Variants in PTS observed in about 807,000 individuals in gnomAD.
PTS encodes the protein 6-pyruvoyltetrahydropterin synthase, also known as 6-pyruvoyl tetrahydrobiopterin synthase.
Under a neutral mutation model 20.6 loss-of-function variants are expected in PTS, and 23 were observed. That is an observed-to-expected ratio of 1.12 (90% CI 0.80 to 1.58). The LOEUF is 1.58. Ranked by LOEUF, PTS falls within the 40% of genes most tolerant of loss-of-function variation. The pLI is 0.00. For missense variants in PTS, 186 were observed against 182.4 expected (o/e 1.02, Z -0.11); for synonymous variants, 65 against 62.5 (o/e 1.04, Z -0.19).
intron 4 of PTS, among the ~76,000 whole-genome samples, 154 bp downstream of exon 4, chr11:112,230,836 C>G (rs111330439): frequency 1.3e-5 from 2 of 152,114 alleles, no homozygotes; most frequent in African/African-American, 4.8e-5. Context: ...AAGAACTGCT[C>G]GCATGGCCTC....
rs104894277 is a variant in PTS at position 112,230,210 on chromosome 11, G to C, written c.166G>C (p.Val56Leu). 2.5e-6 allele frequency: 4 copies of C among 1,613,396 alleles called. No homozygotes were observed. Among genetic ancestry groups the C allele is most frequent in the Non-Finnish European group, 3.4e-6 (4 of 1,179,424 alleles). Reference protein sequence around the residue: ...PNGHGHNYKVVVTVHGEIDPA... With the variant: ...PNGHGHNYKVLVTVHGEIDPA... ...TGTATTTTGTTTTCTTTCCATAGTT[G>C]TGGTGACAGTACATGGAGAGGTATG... The change falls in exon 3 of 6, where the codon GTG (valine) becomes CTG (leucine). Residue 56 changes from valine to leucine, a missense_variant and splice_region_variant. Coordinates refer to ENST00000280362, the MANE Select transcript of PTS (RefSeq NM_000317.3).
intron 4 of PTS, among the ~76,000 whole-genome samples, chr11:112,232,294 A>C (rs1859949059): frequency 6.6e-6 from 1 of 152,228 alleles, no homozygotes; most frequent in Admixed American, 6.5e-5. Context: ...TTTAATGGAG[A>C]AATTGGGACT....
chr11:112,229,297 C>T (rs916405327), intron 2 of PTS: 1 of 153,752 alleles, frequency 6.5e-6, no homozygotes, highest in African/African-American at 2.4e-5. Flanking sequence ...TCAGTGTACT[C>T]ACTTACATGT....
chr11:112,233,099 G>C, intron 4 of PTS, 64 bp from the exon 5 acceptor site: 1 of 1,456,392 alleles, frequency 6.9e-7, no homozygotes, highest in South Asian at 1.1e-5. Context: ...AGGCATAAGT[G>C]GAACAATTTG....
intron 4 of PTS, among the ~76,000 whole-genome samples, chr11:112,232,046 C>T (rs1031012079): frequency 2.6e-5 from 4 of 152,188 alleles, no homozygotes; most frequent in Non-Finnish European, 5.9e-5. Context: ...GAGGGCTTCT[C>T]TATGCTGTTT....
At chr11:112,233,030 A>G in intron 4 of PTS, 133 bp from the exon 5 acceptor site, 2 of 908,754 alleles carry the variant, frequency 2.2e-6, no homozygotes, top group Middle Eastern at 2.2e-4. Context: ...GCCTTGTAAG[A>G]CTCAAATCTA....
intron 2 of PTS, among the ~76,000 whole-genome samples, chr11:112,229,885 G>C (rs1859907980): frequency 6.6e-6 from 1 of 152,156 alleles, no homozygotes; most frequent in South Asian, 2.1e-4. Context: ...ACTTCTACAG[G>C]CAGAGACTGA....
rs566233351 is a variant in PTS at position 112,228,641 on chromosome 11, A to G, written c.131A>G (p.Asn44Ser). Residue 44 changes from asparagine (N) to serine (S), a missense_variant, in exon 2 of 6, where the codon AAC becomes AGC. By Grantham distance (46) the Asn-to-Ser change is conservative. Coordinates refer to ENST00000280362, the MANE Select transcript of PTS (RefSeq NM_000317.3). The part of the protein sequence containing the change: ...EENLKLFGKC[N>S]NPNGHGHNYK... ...AACTTGAAACTGTTTGGGAAATGCA[A>G]CAATCCAAATGGCCATGGGCACAAT... 8 of 1,612,524 alleles carry G rather than the reference A, an allele frequency of 5.0e-6. No homozygotes were observed. The East Asian group carries it at 8.9e-5, about 18-fold the overall frequency.
intron 2 of PTS, chr11:112,229,458 C>T (rs1467740179): frequency 6.6e-6 from 1 of 150,574 alleles, no homozygotes; most frequent in Non-Finnish European, 1.5e-5. Flanking sequence ...ATGGTGTGAT[C>T]TCCCGTCACT....
chr11:112,228,140 G>A (rs1486935454), intron 1 of PTS: 1 of 173,276 alleles, frequency 5.8e-6, no homozygotes, highest in Non-Finnish European at 1.2e-5. Flanking sequence ...ACCAGGTCAT[G>A]TAATTTTTTT....
intron 2 of PTS, chr11:112,228,933 A>C: frequency 2.1e-6 from 1 of 479,682 alleles, no homozygotes. Flanking sequence ...CCTAGAGTAC[A>C]CAACAAGTTT....
At chr11:112,230,252 G>C in intron 3 of PTS, 22 bp downstream of exon 3, 2 of 1,611,836 alleles carry the variant, frequency 1.2e-6, no homozygotes, top group Non-Finnish European at 1.7e-6. Context: ...AAATATTTGT[G>C]TGGTTTTTGC....
At chr11:112,231,527 C>T (rs1244094448) in intron 4 of PTS, among the ~76,000 whole-genome samples, 1 of 152,124 alleles carries the variant, frequency 6.6e-6, no homozygotes, top group Non-Finnish European at 1.5e-5. Context: ...TGTCATTTCA[C>T]TTGCAGCTTA....
chr11:112,226,554 G>A, intron 1 of PTS, 28 bp downstream of exon 1: 1 of 1,510,956 alleles, frequency 6.6e-7, no homozygotes, highest in African/African-American at 1.4e-5. Flanking sequence ...GTACAGCGGC[G>A]GGCGGTGGGC....
rs377396089 is a variant in PTS, at chr11:112,230,693, G to A, written c.243+11G>A. 63 of 1,602,640 alleles carry A rather than the reference G, an allele frequency of 3.9e-5. 2 individuals are homozygous for A. The South Asian group carries it at 5.3e-4, about 13-fold the overall frequency. On this transcript the variant is annotated intron_variant, in intron 4 of 5. Transcript: ENST00000280362. Reference sequence around the variant, plus strand: ...AAAAAATATATGGAGGTAATGGCATGTTGGGTGCTTATTATGTGCTATTCC... The same window carrying A: ...AAAAAATATATGGAGGTAATGGCATATTGGGTGCTTATTATGTGCTATTCC...
In PTS at chr11:112,233,732, T is replaced by A; in HGVS notation, c.*177T>A. 5 of 787,420 alleles carry A rather than the reference T, an allele frequency of 6.3e-6. No individual in the cohort carries two copies. Among genetic ancestry groups the A allele is most frequent in the Non-Finnish European group, 8.9e-6 (5 of 561,378 alleles). The allele number at this position is 787,420 out of a possible 1,614,324, so 48.8% of individuals were successfully genotyped here. A position where few individuals can be genotyped will look rare whatever the true frequency, so the allele number is the denominator to read the frequency against. ...TTATAAATTTAAGTCTATTTAAAAC[T>A]AAACTTGTAATATACATCCTGAAAA... On this transcript the variant is annotated 3_prime_UTR_variant, in exon 6 of 6. Transcript: ENST00000280362.
rs1157712069 is a variant in PTS at position 112,233,198 on chromosome 11, G to C, written c.279G>C (p.Leu93=). ...TGCAGCCCCTTGATCATAAGAATCT[G>C]GATATGGATGTGCCATACTTTGCAG... is the stretch of plus-strand genomic sequence containing the variant. ...AIMQPLDHKN[L]DMDVPYFADV... Residue 93 remains leucine (L), a synonymous_variant, in exon 5 of 6, where the codon CTG becomes CTC. Transcript: ENST00000280362. 1.2e-6 allele frequency: 2 copies of C among 1,613,962 alleles called. No individual in the cohort carries two copies.
At chr11:112,231,985 AGAGAC>A (rs1394882337) in intron 4 of PTS, among the ~76,000 whole-genome samples, 2 of 152,130 alleles carry the variant, frequency 1.3e-5, no homozygotes, top group Non-Finnish European at 2.9e-5. Context: ...AAGAAAGAAA[AGAGAC>A]AAGACAGCAA....
chr11:112,229,280 C>T (rs1219045351), intron 2 of PTS: 1 of 154,430 alleles, frequency 6.5e-6, no homozygotes, highest in East Asian at 1.9e-4. Flanking sequence ...TCTATGGTAT[C>T]TCAGTCTCAG....
Sources: gnomAD v4.1 joint callset for allele counts (sites outside exome capture counted in the v4.1 genomes callset) on GRCh38, gnomAD v4.1.1 for gene constraint, MANE v1.5 for transcripts, NCBI Gene and HGNC (gene_info 2026-07-23, HGNC 2026-07-21) for gene names.